The following ATL2 variants were observed in gnomAD, a reference collection of about 807,000 sequenced individuals.
The protein encoded by ATL2 is atlastin GTPase 2, also known as atlastin-2.
ATL2 carries 31 observed loss-of-function variants against 73.9 expected under a neutral mutation model. That is an observed-to-expected ratio of 0.42 (90% CI 0.32 to 0.57). The LOEUF is 0.57. Ranked by LOEUF, ATL2 falls within the 20% of genes least tolerant of loss-of-function variation. The pLI is 0.14. For missense variants in ATL2, 738 were observed against 702.6 expected (o/e 1.05, Z -0.57); for synonymous variants, 291 against 237.5 (o/e 1.23, Z -2.07).
intron 2 of ATL2, among the ~76,000 whole-genome samples, chr2:38,339,205 A>C (rs992784942): frequency 6.6e-6 from 1 of 152,080 alleles, no homozygotes; most frequent in African/African-American, 2.4e-5. Context: ...AACGAGGGAA[A>C]CTACGTCTCA....
At chr2:38,313,500 C>T (rs1239860900) in intron 6 of ATL2, among the ~76,000 whole-genome samples, 2 of 152,102 alleles carry the variant, frequency 1.3e-5, no homozygotes, top group African/African-American at 4.8e-5. Context: ...AGCAGTAATA[C>T]AGGACTTTAA....
intron 1 of ATL2, among the ~76,000 whole-genome samples, chr2:38,368,579 A>T (rs1048035207): frequency 6.6e-6 from 1 of 152,222 alleles, no homozygotes; most frequent in Non-Finnish European, 1.5e-5. Context: ...GCACTCCAAT[A>T]GCATGCCTAA....
At chr2:38,372,887 C>T (rs1038016985) in intron 1 of ATL2, among the ~76,000 whole-genome samples, 3 of 152,166 alleles carry the variant, frequency 2.0e-5, no homozygotes, top group Non-Finnish European at 2.9e-5. Context: ...AAATTTAAAA[C>T]TTGCCTACCA....
At chr2:38,354,906 A>G (rs983783216) in intron 1 of ATL2, among the ~76,000 whole-genome samples, 1 of 152,192 alleles carries the variant, frequency 6.6e-6, no homozygotes, top group African/African-American at 2.4e-5. Flanking sequence ...CAAAAACCAA[A>G]AAAAGCCAAT....
chr2:38,367,407 T>A (rs1430248791), intron 1 of ATL2, among the ~76,000 whole-genome samples: 1 of 150,836 alleles, frequency 6.6e-6, no homozygotes, highest in Non-Finnish European at 1.5e-5. Context: ...ATCGAGAACA[T>A]CCTGGCTAAC....
chr2:38,310,856 A>G (rs937409314), intron 7 of ATL2, among the ~76,000 whole-genome samples: 2 of 151,630 alleles, frequency 1.3e-5, no homozygotes, highest in South Asian at 2.1e-4. Flanking sequence ...TGAACTTCCA[A>G]CCTCAGGTAA....
intron 1 of ATL2, among the ~76,000 whole-genome samples, chr2:38,357,902 A>C (rs966085862): frequency 1.2e-4 from 18 of 152,312 alleles, no homozygotes; most frequent in African/African-American, 4.3e-4. Flanking sequence ...CTCATTTTAA[A>C]AATAAGAAAA....
intron 9 of ATL2, among the ~76,000 whole-genome samples, chr2:38,300,970 ACTTT>A (rs1239943142): frequency 2.1e-5 from 3 of 141,004 alleles, no homozygotes; most frequent in African/African-American, 3.2e-5. Flanking sequence ...TTTCATCTCA[ACTTT>A]CTTTTTTTTT....
chr2:38,308,032 G>C (rs1245599668), intron 9 of ATL2, among the ~76,000 whole-genome samples: 1 of 152,170 alleles, frequency 6.6e-6, no homozygotes, highest in African/African-American at 2.4e-5. Context: ...CAACCACTAT[G>C]GAGAACAGTT....
intron 1 of ATL2, among the ~76,000 whole-genome samples, chr2:38,369,572 C>T (rs1285714454): frequency 6.6e-6 from 1 of 151,544 alleles, no homozygotes; most frequent in African/African-American, 2.4e-5. Context: ...AGTCGTGAGC[C>T]ACCATGCTCG....
At position 38,363,190 on chromosome 2, in the gene ATL2, G is replaced by A. The variant is rs1009866738; in HGVS notation, c.118+13953C>T. Among the ~76,000 whole-genome samples the A allele has an allele frequency of 1.1e-4, 16 of 152,288 alleles. No individual in the cohort carries two copies. The South Asian group carries it at 2.1e-3, about 20-fold the overall frequency. ...ATTTTGTAAGTAATCAACTGAGGATGCACAACCAGGTCTTTCTAATTGTCA... is the reference window on the plus strand; with the variant it reads ...ATTTTGTAAGTAATCAACTGAGGATACACAACCAGGTCTTTCTAATTGTCA... On this transcript the variant is annotated intron_variant, in intron 1 of 12. Coordinates refer to ENST00000378954, the MANE Select transcript of ATL2 (RefSeq NM_001135673.4).
At chr2:38,321,788 A>G (rs1180369256) in intron 2 of ATL2, among the ~76,000 whole-genome samples, 1 of 151,954 alleles carries the variant, frequency 6.6e-6, no homozygotes, top group African/African-American at 2.4e-5. Flanking sequence ...TCAGAACTCA[A>G]TGAAGCCTCA....
intron 2 of ATL2, among the ~76,000 whole-genome samples, chr2:38,327,429 A>C (rs1668726759): frequency 6.6e-6 from 1 of 152,138 alleles, no homozygotes; most frequent in South Asian, 2.1e-4. Flanking sequence ...CAGCCACCAA[A>C]AAACACGTTT....
At chr2:38,361,543 AAG>A (rs1671016282) in intron 1 of ATL2, among the ~76,000 whole-genome samples, 1 of 152,128 alleles carries the variant, frequency 6.6e-6, no homozygotes, top group African/African-American at 2.4e-5. Flanking sequence ...GAAAGGGTAA[AAG>A]AGAAAGGTTA....
chr2:38,320,764 G>A (rs549730501), intron 2 of ATL2, among the ~76,000 whole-genome samples: 1 of 152,242 alleles, frequency 6.6e-6, no homozygotes, highest in Admixed American at 6.5e-5. Flanking sequence ...CGTGAATTAG[G>A]AGTGGAGAGA....
At chr2:38,343,986 CCT>C (rs949974367) in intron 1 of ATL2, among the ~76,000 whole-genome samples, 76 of 152,304 alleles carry the variant, frequency 5.0e-4, no homozygotes, top group Middle Eastern at 6.8e-3. Context: ...TTCCATTAAA[CCT>C]CTTTCTTTTG....
chr2:38,361,630 T>C (rs1224986496), intron 1 of ATL2, among the ~76,000 whole-genome samples: 1 of 152,194 alleles, frequency 6.6e-6, no homozygotes, highest in Non-Finnish European at 1.5e-5. Context: ...GCAAATATTA[T>C]GTATTAGATT....
chr2:38,362,605 G>T (rs11687878), intron 1 of ATL2, among the ~76,000 whole-genome samples: 35,829 of 152,114 alleles, frequency 0.24, 4,300 homozygotes, highest in South Asian at 0.35. Flanking sequence ...TCTGACACAA[G>T]GGGTGAAAGG....
At chr2:38,301,607 A>T (rs1053605883) in intron 9 of ATL2, among the ~76,000 whole-genome samples, 2 of 152,182 alleles carry the variant, frequency 1.3e-5, no homozygotes, top group Non-Finnish European at 2.9e-5. Context: ...GAATTTTTGC[A>T]TTGAAACTCA....
Sources: gnomAD v4.1 joint callset for allele counts (sites outside exome capture counted in the v4.1 genomes callset) on GRCh38, gnomAD v4.1.1 for gene constraint, MANE v1.5 for transcripts, NCBI Gene and HGNC (gene_info 2026-07-23, HGNC 2026-07-21) for gene names.